The following ASTN2 variants were observed in gnomAD, a reference collection of about 807,000 sequenced individuals.
The protein encoded by ASTN2 is astrotactin-2.
In ASTN2, 54 loss-of-function variants were observed where a neutral mutation model predicts 139.8. The observed-to-expected ratio is 0.39, with a 90% CI of 0.31 to 0.48. The LOEUF (loss-of-function observed/expected upper bound fraction) is 0.48. Among genes scored for constraint, ASTN2 ranks in the 20% least tolerant of loss-of-function variants. ASTN2 has a pLI of 0.95. For missense variants in ASTN2, 1,565 were observed against 1,725.1 expected (o/e 0.91, Z 1.64); for synonymous variants, 756 against 719.5 (o/e 1.05, Z -0.81).
intron 4 of ASTN2, among the ~76,000 whole-genome samples, chr9:117,134,114 G>C (rs1829886441): frequency 6.6e-6 from 1 of 151,038 alleles, no homozygotes. Context: ...AGCAAAGATG[G>C]GGACCAAAGA....
intron 1 of ASTN2, among the ~76,000 whole-genome samples, chr9:117,347,236 A>T (rs748729516): frequency 1.6e-4 from 24 of 152,062 alleles, no homozygotes; most frequent in Non-Finnish European, 2.6e-4. Context: ...TGACTAATGG[A>T]CTTTGTGGAG....
chr9:116,613,287 T>C (rs1011304318), intron 19 of ASTN2: 1 of 152,216 alleles, frequency 6.6e-6, no homozygotes, highest in African/African-American at 2.4e-5. Context: ...AGCCGAATTC[T>C]ACCAGAGGTA....
At chr9:117,067,625 C>T (rs1827991826) in intron 5 of ASTN2, among the ~76,000 whole-genome samples, 1 of 145,804 alleles carries the variant, frequency 6.9e-6, no homozygotes, top group Non-Finnish European at 1.5e-5. Flanking sequence ...GATGTTGATT[C>T]TTCCTACTCA....
chr9:116,914,901 A>T (rs945561052), intron 10 of ASTN2, among the ~76,000 whole-genome samples: 1 of 152,192 alleles, frequency 6.6e-6, no homozygotes, highest in Non-Finnish European at 1.5e-5. Context: ...TCACCAGCTC[A>T]AAGTCATAAA....
intron 10 of ASTN2, among the ~76,000 whole-genome samples, chr9:116,942,112 ACAC>A (rs766394706): frequency 0.051 from 5,121 of 100,710 alleles, 220 homozygotes; most frequent in East Asian, 0.24. Flanking sequence ...ACACACACAC[ACAC>A]CACACACACA....
chr9:117,282,706 C>G (rs912938899), intron 2 of ASTN2, among the ~76,000 whole-genome samples: 1 of 140,110 alleles, frequency 7.1e-6, no homozygotes, highest in African/African-American at 3.3e-5. Context: ...CTTGCTCATT[C>G]CCTCTGCCAT....
At chr9:117,203,955 G>A (rs1831824034) in intron 3 of ASTN2, among the ~76,000 whole-genome samples, 1 of 152,160 alleles carries the variant, frequency 6.6e-6, no homozygotes, top group Non-Finnish European at 1.5e-5. Context: ...CTACCAGAAG[G>A]AGAGGCTAAG....
At chr9:116,459,611 TA>T (rs1191883279) in intron 20 of ASTN2, among the ~76,000 whole-genome samples, 3 of 151,828 alleles carry the variant, frequency 2.0e-5, no homozygotes, top group African/African-American at 4.8e-5. Flanking sequence ...GACATTTCTC[TA>T]AAAAAAAGAC....
At chr9:116,794,062 GCAAAA>G (rs959109744) in intron 13 of ASTN2, among the ~76,000 whole-genome samples, 4 of 149,560 alleles carry the variant, frequency 2.7e-5, no homozygotes, top group African/African-American at 7.3e-5. Flanking sequence ...TAGCTGATAT[GCAAAA>G]CAAAACAAAA....
intron 6 of ASTN2, among the ~76,000 whole-genome samples, chr9:117,031,386 G>T (rs1838242418): frequency 6.6e-6 from 1 of 152,114 alleles, no homozygotes; most frequent in East Asian, 1.9e-4. Context: ...AATAAGCTGT[G>T]GTCCTTGCCC....
In ASTN2 at chr9:117,070,655, C is replaced by T. The variant is rs1343325953; in HGVS notation, c.1276+25389G>A. 1.1e-4 allele frequency among the ~76,000 whole-genome samples: 16 copies of T among 145,916 alleles called. 1 individual carries two copies. The East Asian group carries it at 1.4e-3, about 13-fold the overall frequency. On this transcript the variant is annotated intron_variant, in intron 5 of 22. Transcript: ENST00000313400. ...ATCACTTTCAGGTACACCAATGAGACGTAGATTTGGTCTTTTCACATAGTC... is the reference window on the plus strand; with the variant it reads ...ATCACTTTCAGGTACACCAATGAGATGTAGATTTGGTCTTTTCACATAGTC...
intron 17 of ASTN2, among the ~76,000 whole-genome samples, chr9:116,647,803 C>A (rs569846862): frequency 9.2e-5 from 14 of 152,226 alleles, no homozygotes; most frequent in African/African-American, 3.4e-4. Flanking sequence ...AGTCGAACCA[C>A]TAGGTATTTT....
At chr9:116,562,482 A>T (rs548726575) in intron 19 of ASTN2, among the ~76,000 whole-genome samples, 21 of 152,114 alleles carry the variant, frequency 1.4e-4, no homozygotes, top group Admixed American at 1.1e-3. Context: ...CACATCTGTA[A>T]TCCCAGCACT....
At chr9:116,766,578 T>A (rs1050112259) in intron 13 of ASTN2, among the ~76,000 whole-genome samples, 16 of 151,240 alleles carry the variant, frequency 1.1e-4, no homozygotes, top group Admixed American at 2.6e-4. Flanking sequence ...GCATTCATAC[T>A]CATACACCTA....
intron 2 of ASTN2, among the ~76,000 whole-genome samples, chr9:117,260,060 T>C (rs994017550): frequency 1.3e-5 from 2 of 152,192 alleles, no homozygotes; most frequent in Non-Finnish European, 2.9e-5. Context: ...ACTGGCCCTG[T>C]CATCTCCCTT....
chr9:116,850,374 C>T (rs1412166487), intron 11 of ASTN2, among the ~76,000 whole-genome samples: 1 of 152,144 alleles, frequency 6.6e-6, no homozygotes, highest in Non-Finnish European at 1.5e-5. Context: ...TACTACATTG[C>T]CCAATGTCAT....
intron 18 of ASTN2, 138 bp from the exon 19 acceptor site, chr9:116,618,610 A>C (rs2131822804): frequency 5.9e-6 from 6 of 1,025,572 alleles, no homozygotes; most frequent in East Asian, 2.7e-5. Flanking sequence ...GCCAACTTGC[A>C]TGACCGTAGG....
Position 116,698,399 on chromosome 9 carries a change from A to G in ASTN2, c.2806+27372T>C, listed in dbSNP as rs1168486456. The stretch of plus-strand genomic sequence containing the variant: ...CTGAAGTTGAGAAGTCCAATAGTCA[A>G]GTGGTAGAGGAGCAGAGTTACCTGC... On this transcript the variant is annotated intron_variant, in intron 16 of 22. Transcript: ENST00000313400. This position sits in a 1 kb window ranked among gnomAD's most constrained non-coding sequence, Gnocchi z 4.4. The G allele has an allele frequency of 1.9e-6, 3 of 1,613,964 alleles. No individual in the cohort carries two copies. Among genetic ancestry groups the G allele is most frequent in the East Asian group, 2.2e-5 (1 of 44,866 alleles).
rs912272645 is a variant in ASTN2, at chr9:117,071,451, C to T, written c.1276+24593G>A. ...GGGACATTTAAGTCTGCAGAGGTTA[C>T]TGCTGTCTTTTTGTTTGTCTGTGCC... On this transcript the variant is annotated intron_variant, in intron 5 of 22. Coordinates refer to ENST00000313400, the MANE Select transcript of ASTN2 (RefSeq NM_001365068.1). 7.6e-3 allele frequency among the ~76,000 whole-genome samples: 1,141 copies of T among 151,068 alleles called. 15 individuals are homozygous for T. The highest frequency in any genetic ancestry group is 0.026 in the African/African-American group (1,060 of 41,008).
Sources: gnomAD v4.1 joint callset for allele counts (sites outside exome capture counted in the v4.1 genomes callset) on GRCh38, gnomAD v4.1.1 for gene constraint, Gnocchi (gnomAD v3.1) non-coding constraint, MANE v1.5 for transcripts, NCBI Gene and HGNC (gene_info 2026-07-23, HGNC 2026-07-21) for gene names.